Variants in MYO18A observed in about 807,000 individuals in gnomAD.
MYO18A encodes the protein unconventional myosin-XVIIIa.
Under a neutral mutation model 235.8 loss-of-function variants are expected in MYO18A, and 78 were observed. The observed-to-expected ratio is 0.33, with a 90% confidence interval of 0.28 to 0.40. The LOEUF (loss-of-function observed/expected upper bound fraction) is 0.40, where lower values mean the gene tolerates loss of function less well. MYO18A is among the 10% of genes least tolerant of loss of function. The pLI, the probability that MYO18A is intolerant of heterozygous loss-of-function variation, is 1.00. For missense variants in MYO18A, 2,215 were observed against 2,699.3 expected, an observed-to-expected ratio of 0.82 and a Z score of 3.98; for synonymous variants, 977 against 1,077.8, an observed-to-expected ratio of 0.91 and a Z score of 1.83.
At chr17:29,174,401 G>T (rs149276324) in intron 1 of MYO18A, among the ~76,000 whole-genome samples, 10 of 152,284 alleles carry the variant, frequency 6.6e-5, no homozygotes, top group African/African-American at 2.4e-4. Context: ...CAGCTACTTG[G>T]GAGGCTGAGG....
chr17:29,083,387 T>C (rs570868049), intron 40 of MYO18A, among the ~76,000 whole-genome samples: 4 of 152,292 alleles, frequency 2.6e-5, no homozygotes, highest in African/African-American at 9.6e-5. Context: ...TTCTGCAGAA[T>C]GTCTGCTCAC....
chr17:29,097,950 TC>T, intron 25 of MYO18A, 51 bp from the exon 26 acceptor site: 1 of 1,580,202 alleles, frequency 6.3e-7, no homozygotes, highest in Non-Finnish European at 8.6e-7. Flanking sequence ...TCATACCCAC[TC>T]CCCGAACCAC....
chr17:29,106,497 C>T lies in MYO18A; in HGVS notation c.3441+583G>A, dbSNP rs896477325. On this transcript the variant is annotated intron_variant, in intron 20 of 41. Transcript: ENST00000527372. This position sits in a 1 kb window ranked among gnomAD's most constrained non-coding sequence, Gnocchi z 4.6. ...AGAATCAGGCTGGATGCCTGAGGCC[C>T]GAGCACAGTAAAGGAGGGGTCCTCT... Among the ~76,000 whole-genome samples, 4 of 152,168 alleles carry T rather than the reference C, an allele frequency of 2.6e-5. No homozygotes were observed. Among genetic ancestry groups the T allele is most frequent in the African/African-American group, 7.2e-5 (3 of 41,438 alleles).
Position 29,118,828 on chromosome 17 carries a change from G to A in MYO18A, c.1830-388C>T, listed in dbSNP as rs1486415909. 4.6e-5 allele frequency among the ~76,000 whole-genome samples: 7 copies of A among 152,354 alleles called. No individual in the cohort carries two copies. The highest frequency in any genetic ancestry group is 2.1e-4 in the South Asian group (1 of 4,826). On this transcript the variant is annotated intron_variant, in intron 8 of 41. Coordinates refer to ENST00000527372, the MANE Select transcript of MYO18A (RefSeq NM_078471.4). This position sits in a 1 kb window ranked among gnomAD's most constrained non-coding sequence, Gnocchi z 4.2. ...ATTTATCTCTTTTTAGTGAACACAC[G>A]CGGCAAATCTGAATGTCTGAAGGGA...
intron 1 of MYO18A, among the ~76,000 whole-genome samples, chr17:29,175,968 G>C (rs967491763): frequency 2.0e-5 from 3 of 152,138 alleles, no homozygotes; most frequent in Non-Finnish European, 4.4e-5. Context: ...CTGAGGCAGA[G>C]AATTGCTTGA....
intron 18 of MYO18A, 117 bp from the exon 19 acceptor site, chr17:29,110,218 G>C (rs2066895889): frequency 1.4e-6 from 2 of 1,437,442 alleles, no homozygotes; most frequent in Non-Finnish European, 1.9e-6. Context: ...GCACCAGCCA[G>C]GACATGCTAA....
At chr17:29,081,819 TG>T (rs1182645669) in intron 41 of MYO18A, among the ~76,000 whole-genome samples, 1 of 151,592 alleles carries the variant, frequency 6.6e-6, no homozygotes, top group East Asian at 1.9e-4. Flanking sequence ...AGGAAAGAAG[TG>T]GGGGCAGTGA....
intron 32 of MYO18A, 76 bp downstream of exon 32, chr17:29,093,247 C>T (rs1161619454): frequency 1.5e-6 from 2 of 1,343,774 alleles, no homozygotes; most frequent in African/African-American, 1.4e-5. Context: ...CGTGGCTCCC[C>T]ATCCCTAGGA....
intron 34 of MYO18A, chr17:29,091,245 A>G: frequency 2.9e-6 from 1 of 343,058 alleles, no homozygotes; most frequent in East Asian, 6.9e-5. Context: ...TCCTGGCACT[A>G]TCAGTCCAGG....
chr17:29,106,624 C>A lies in MYO18A; in HGVS notation c.3441+456G>T, dbSNP rs1446542701. The stretch of plus-strand genomic sequence containing the variant: ...CTTCCGCAGCCACAAGTTCACCAAC[C>A]AGGGCCGGCAAATGGCCCGGCAGCC... On this transcript the variant is annotated intron_variant, in intron 20 of 41. Transcript: ENST00000527372. The surrounding 1 kb of genome is among the most constrained non-coding windows in gnomAD (Gnocchi z 4.6). 6.6e-6 allele frequency among the ~76,000 whole-genome samples: 1 copy of A among 152,198 alleles called. No homozygotes were observed. Among genetic ancestry groups the A allele is most frequent in the Admixed American group, 6.5e-5 (1 of 15,288 alleles).
rs902998987 is a variant in MYO18A at position 29,099,574 on chromosome 17, C to T, written c.3636+60G>A. ...CTTCTCCCCCTTATAGCCCCCACCC[C>T]AGGAACTTGGCTGTGCCCATCTAGG... On this transcript the variant is annotated intron_variant, in intron 22 of 41. Transcript: ENST00000527372. The T allele has an allele frequency of 4.2e-5, 66 of 1,574,722 alleles. No individual in the cohort carries two copies. In the African/African-American group the frequency reaches 7.3e-4, roughly 17 times the overall value.
chr17:29,141,949 TTTTG>T (rs2067748285), intron 2 of MYO18A, among the ~76,000 whole-genome samples: 1 of 152,098 alleles, frequency 6.6e-6, no homozygotes, highest in Non-Finnish European at 1.5e-5. Context: ...ATTTTTTTGT[TTTTG>T]TTTTTTTTTG....
In MYO18A at chr17:29,166,515, G is replaced by A; in HGVS notation, c.426C>T (p.Ser142=). The A allele has an allele frequency of 6.2e-7, 1 of 1,613,710 alleles. No individual in the cohort carries two copies. The highest frequency in any genetic ancestry group is 1.1e-5 in the South Asian group (1 of 91,084). The change falls in exon 2 of 42, where the codon TCC becomes TCT. Residue 142 remains serine, a synonymous_variant. Transcript: ENST00000527372. ...AGGCGCTCTCATCCCGGCTACGCTG[G>A]GAGAAGGAAAAGCGCTTGACAATCA... The part of the protein sequence containing the change: ...SQMIVKRFSF[S]QRSRDESASE...
intron 41 of MYO18A, chr17:29,075,419 C>T (rs192367299): frequency 4.0e-4 from 68 of 168,312 alleles, no homozygotes; most frequent in African/African-American, 1.6e-3. Context: ...ACTCCCAGAT[C>T]TGAACCCTTT....
intron 14 of MYO18A, chr17:29,114,416 AT>A: frequency 2.9e-6 from 1 of 343,760 alleles, no homozygotes; most frequent in Middle Eastern, 8.8e-4. Context: ...GACAACTGCC[AT>A]TTTCCTTCTG....
At chr17:29,133,515 G>T (rs147154547) in intron 2 of MYO18A, among the ~76,000 whole-genome samples, 1 of 152,330 alleles carries the variant, frequency 6.6e-6, no homozygotes, top group African/African-American at 2.4e-5. Context: ...GGTGGGAAGG[G>T]TGTGGAGGGG....
chr17:29,167,062 G>A, intron 1 of MYO18A, 41 bp from the exon 2 acceptor site: 2 of 1,376,064 alleles, frequency 1.5e-6, no homozygotes, highest in African/African-American at 2.9e-5. Flanking sequence ...TATTCGAACA[G>A]AGCCTCATGT....
intron 1 of MYO18A, among the ~76,000 whole-genome samples, chr17:29,178,495 A>G (rs1347647913): frequency 6.6e-6 from 1 of 150,516 alleles, no homozygotes; most frequent in Non-Finnish European, 1.5e-5. Context: ...TGAGGCCACA[A>G]CCCCCATGTC....
intron 1 of MYO18A, among the ~76,000 whole-genome samples, chr17:29,176,157 G>A (rs979056418): frequency 6.6e-6 from 1 of 152,128 alleles, no homozygotes; most frequent in Non-Finnish European, 1.5e-5. Flanking sequence ...TAACGCTTTA[G>A]CTTTCTACCT....
Sources: gnomAD v4.1 joint callset for allele counts (sites outside exome capture counted in the v4.1 genomes callset) on GRCh38, gnomAD v4.1.1 for gene constraint, Gnocchi (gnomAD v3.1) non-coding constraint, MANE v1.5 for transcripts, NCBI Gene and HGNC (gene_info 2026-07-23, HGNC 2026-07-21) for gene names.